ICAM2: variants seen among roughly 807,000 people sequenced by gnomAD.
ICAM2 encodes ICAM-2.
A neutral mutation model predicts 19.1 loss-of-function variants in ICAM2; 14 were observed. The observed-to-expected ratio is 0.73, with a 90% CI of 0.48 to 1.15. The LOEUF is 1.15. Ranked by LOEUF, ICAM2 falls within the 50% of genes most tolerant of loss-of-function variation. The pLI, the probability that ICAM2 is intolerant of heterozygous loss-of-function variation, is 0.00. For missense variants in ICAM2, 311 were observed against 355.4 expected (o/e 0.88, Z 1.00); for synonymous variants, 153 against 152.7 (o/e 1.00, Z -0.01).
chr17:64,002,967 C>A, intron 4 of ICAM2, 42 bp from the exon 5 acceptor site: 1 of 1,578,380 alleles, frequency 6.3e-7, no homozygotes, highest in Non-Finnish European at 8.7e-7. Context: ...TCCTGTGATC[C>A]CAGTTACCAG....
intron 3 of ICAM2, chr17:64,004,786 A>C: frequency 4.5e-6 from 2 of 445,470 alleles, no homozygotes; most frequent in South Asian, 2.2e-5. Context: ...TGGTGACCCC[A>C]CTACTTGGCA....
chr17:64,004,087 G>A (rs968562759), intron 3 of ICAM2, 123 bp from the exon 4 acceptor site: 16 of 709,102 alleles, frequency 2.3e-5, no homozygotes, highest in Admixed American at 1.6e-4. Flanking sequence ...TGGCCTGGCC[G>A]GCTCCAGTGC....
chr17:64,019,581 C>T (rs533714722), intron 1 of ICAM2, among the ~76,000 whole-genome samples: 186 of 151,888 alleles, frequency 1.2e-3, no homozygotes, highest in Non-Finnish European at 2.0e-3. Flanking sequence ...TTTGGGAGGC[C>T]GAGGTGGGCG....
intron 1 of ICAM2, among the ~76,000 whole-genome samples, chr17:64,019,198 C>T (rs942568143): frequency 3.3e-5 from 5 of 152,142 alleles, no homozygotes; most frequent in East Asian, 1.9e-4. Flanking sequence ...CACACAGTAA[C>T]GCTATATAAC....
chr17:64,010,046 C>T (rs114325284), intron 1 of ICAM2, among the ~76,000 whole-genome samples: 345 of 152,322 alleles, frequency 2.3e-3, no homozygotes, highest in South Asian at 7.9e-3. Flanking sequence ...GTTTACCAGC[C>T]TCTTGCCCTC....
chr17:64,016,803 T>C lies in ICAM2; in HGVS notation c.-45+3720A>G, dbSNP rs147262020. ...AACCTATCTGAATCTAAGTCCTTGC[T>C]CCAGCCTCTGCTTTGGAACAAAGGA... On this transcript the variant is annotated intron_variant, in intron 1 of 4. Coordinates refer to ENST00000579788, the MANE Select transcript of ICAM2 (RefSeq NM_001099789.2). Among the ~76,000 whole-genome samples, 789 of 152,334 alleles carry C rather than the reference T, an allele frequency of 5.2e-3. 3 individuals carry two copies. The highest frequency in any genetic ancestry group is 0.018 in the African/African-American group (751 of 41,570).
intron 1 of ICAM2, among the ~76,000 whole-genome samples, chr17:64,014,387 G>GAAAA (rs1911592438): frequency 1.5e-5 from 1 of 65,238 alleles, no homozygotes; most frequent in Non-Finnish European, 3.8e-5. Flanking sequence ...AAGGAAGGAA[G>GAAAA]GAAGGAAGGA....
At chr17:64,009,767 G>C (rs774086857) in intron 1 of ICAM2, among the ~76,000 whole-genome samples, 1 of 152,160 alleles carries the variant, frequency 6.6e-6, no homozygotes, top group Non-Finnish European at 1.5e-5. Context: ...TCTGTCATAG[G>C]ATTAGAGTTC....
chr17:64,014,767 A>AAGAG (rs1567849939), intron 1 of ICAM2, among the ~76,000 whole-genome samples: 5 of 110,452 alleles, frequency 4.5e-5, no homozygotes, highest in East Asian at 3.0e-4. Flanking sequence ...GAAAGAAAGA[A>AAGAG]AAAGAAAGAA....
chr17:64,003,589 C>G, intron 4 of ICAM2, 55 bp downstream of exon 4: 2 of 1,528,894 alleles, frequency 1.3e-6, no homozygotes, highest in Non-Finnish European at 1.8e-6. Flanking sequence ...TTTCTTCCCC[C>G]GAGGGGCTGA....
chr17:64,005,345 G>T lies in ICAM2; in HGVS notation c.90C>A (p.His30Gln), dbSNP rs1228699305. 2 of 1,613,874 alleles carry T rather than the reference G, an allele frequency of 1.2e-6. No individual in the cohort carries two copies. The highest frequency in any genetic ancestry group is 2.7e-5 in the African/African-American group (2 of 74,894). The stretch of plus-strand genomic sequence containing the variant: ...CAACCGCCAGCTTCTTTGGCCTCAC[G>T]TGTACCTCGAATACCTTCTCATCCG... The part of the protein sequence containing the change: ...PGSDEKVFEV[H>Q]VRPKKLAVEP... The change falls in exon 3 of 5, where the codon CAC (histidine) becomes CAA (glutamine). Residue 30 changes from histidine to glutamine, a missense_variant. His to Gln is a conservative substitution (Grantham distance 24). Coordinates refer to ENST00000579788, the MANE Select transcript of ICAM2 (RefSeq NM_001099789.2).
chr17:64,002,617 G>T lies in ICAM2; in HGVS notation c.*130C>A. ...GGCTAAGTCCAGGTGTTTGTATTCG[G>T]GCTAGAAAAGGCAATGTCCCAAGTC... On this transcript the variant is annotated 3_prime_UTR_variant, in exon 5 of 5. Transcript: ENST00000579788. 1.3e-6 allele frequency: 1 copy of T among 793,160 alleles called. No homozygotes were observed. Among genetic ancestry groups the T allele is most frequent in the Non-Finnish European group, 2.0e-6 (1 of 502,668 alleles). 49.1% of individuals were successfully genotyped at this position (793,160 alleles called of 1,614,324 possible).
rs1339616819 is a variant in ICAM2 at position 64,014,364 on chromosome 17, AAAGAAAGAAAGAAAGG to A, written c.-45+6143_-45+6158del. Among the ~76,000 whole-genome samples the A allele has an allele frequency of 3.0e-3, 179 of 58,714 alleles. 3 individuals are homozygous for A. Among genetic ancestry groups the A allele is most frequent in the African/African-American group, 9.6e-3 (173 of 17,938 alleles). The allele number at this position is 58,714 out of a possible 152,430, so 38.5% of individuals were successfully genotyped here. The stretch of plus-strand genomic sequence containing the variant: ...GAAAGAAAGAAAGAAAGAAAGAAAG[AAAGAAAGAAAGAAAGG>A]AAGGAAGGAAGGAAGGAAGGAAGGA... On this transcript the variant is annotated intron_variant, in intron 1 of 4. Coordinates refer to ENST00000579788, the MANE Select transcript of ICAM2 (RefSeq NM_001099789.2).
In ICAM2 at chr17:64,002,909, G is replaced by C; in HGVS notation, c.666C>G (p.Ser222Arg). 1 of 1,613,598 alleles carries C rather than the reference G, an allele frequency of 6.2e-7. No individual in the cohort carries two copies. The change falls in exon 5 of 5, where the codon AGC becomes AGG. Residue 222 changes from serine to arginine, a missense_variant. By Grantham distance (110) the Ser-to-Arg change is moderately radical. Coordinates refer to ENST00000579788, the MANE Select transcript of ICAM2 (RefSeq NM_001099789.2). ...MLEIYEPVSDSQMVIIVTVVS... is the reference protein window; with the variant it reads ...MLEIYEPVSDRQMVIIVTVVS... ...CCACCGTGACTATGATGACCATCTG[G>C]CTGTCCGACACAGGCTCTGGGGAGG...
At chr17:64,013,735 A>T (rs930371159) in intron 1 of ICAM2, among the ~76,000 whole-genome samples, 4 of 152,126 alleles carry the variant, frequency 2.6e-5, no homozygotes, top group African/African-American at 9.7e-5. Flanking sequence ...ATAAAGGGTC[A>T]ATTCACCAGG....
chr17:64,015,629 A>G (rs1261999211), intron 1 of ICAM2, among the ~76,000 whole-genome samples: 1 of 152,096 alleles, frequency 6.6e-6, no homozygotes, highest in Admixed American at 6.6e-5. Flanking sequence ...AGTCACAACT[A>G]CTTGGGAGGT....
intron 1 of ICAM2, among the ~76,000 whole-genome samples, chr17:64,018,157 C>A (rs2143254273): frequency 6.6e-6 from 1 of 151,916 alleles, no homozygotes; most frequent in Non-Finnish European, 1.5e-5. Flanking sequence ...CATGGTGAAA[C>A]CCCATCGCTA....
intron 1 of ICAM2, among the ~76,000 whole-genome samples, chr17:64,008,864 T>C (rs559918254): frequency 3.5e-4 from 54 of 152,248 alleles, no homozygotes; most frequent in African/African-American, 1.2e-3. Flanking sequence ...CCCACCTGCA[T>C]ACACAGCAGG....
intron 1 of ICAM2, among the ~76,000 whole-genome samples, chr17:64,019,967 C>T (rs957901547): frequency 6.6e-6 from 1 of 151,732 alleles, no homozygotes; most frequent in African/African-American, 2.4e-5. Context: ...TTATGCGTTA[C>T]CTAGTAAATT....
Sources: allele counts gnomAD v4.1 joint callset (sites outside exome capture counted in the v4.1 genomes callset), GRCh38; gene constraint gnomAD v4.1.1; transcripts MANE v1.5; gene names NCBI Gene and HGNC (gene_info 2026-07-23, HGNC 2026-07-21).